TRHDE: variants seen among roughly 807,000 people sequenced by gnomAD.
TRHDE encodes the protein thyrotropin-releasing hormone-degrading ectoenzyme.
In TRHDE, 72 loss-of-function variants were observed where a neutral mutation model predicts 125.7. The observed-to-expected ratio is 0.57, with a 90% CI of 0.47 to 0.70. The LOEUF is 0.70. TRHDE is among the 30% of genes least tolerant of loss of function. The probability of loss-of-function intolerance (pLI) is 0.00; values close to 1 mark genes in which losing one functional copy is unlikely to be tolerated. For synonymous variants in TRHDE, 509 were observed against 509.1 expected, an observed-to-expected ratio of 1.00 and a Z score of 0.00; for missense variants, 1,110 against 1,327.1, an observed-to-expected ratio of 0.84 and a Z score of 2.54.
chr12:72,233,465 T>G (rs1431220063), intron 2 of TRHDE, among the ~76,000 whole-genome samples: 1 of 152,036 alleles, frequency 6.6e-6, no homozygotes, highest in Non-Finnish European at 1.5e-5. Context: ...GGCACACAGG[T>G]GTTACAGTGA....
chr12:72,123,897 A>G (rs1156955900), intron 2 of TRHDE, among the ~76,000 whole-genome samples: 1 of 152,164 alleles, frequency 6.6e-6, no homozygotes, highest in South Asian at 2.1e-4. Context: ...TATTTTATAT[A>G]AAAGGAATCT....
At chr12:72,585,684 G>A (rs923646789) in intron 12 of TRHDE, among the ~76,000 whole-genome samples, 3 of 152,140 alleles carry the variant, frequency 2.0e-5, no homozygotes, top group Non-Finnish European at 4.4e-5. Context: ...CAGCCAAAAT[G>A]GGACATTCTA....
chr12:72,659,989 G>A (rs1874854803), intron 18 of TRHDE, among the ~76,000 whole-genome samples: 1 of 151,810 alleles, frequency 6.6e-6, no homozygotes, highest in South Asian at 2.1e-4. Context: ...GACCGGTGGT[G>A]GCCCCAAATG....
intron 2 of TRHDE, among the ~76,000 whole-genome samples, chr12:72,305,441 A>C (rs1868326007): frequency 2.0e-5 from 3 of 152,212 alleles, no homozygotes; most frequent in Admixed American, 6.5e-5. Flanking sequence ...AAATCACAGA[A>C]TCATAAATTG....
At position 72,579,025 on chromosome 12, in the gene TRHDE, C is replaced by CATTT. The variant is rs532085613; in HGVS notation, c.2321+3486_2321+3489dup. The stretch of plus-strand genomic sequence containing the variant: ...TGAACAGAAAGTCTATTCTCTGACT[C>CATTT]ATTTATAAAAATAAATCTGGGGATC... On this transcript the variant is annotated intron_variant, in intron 12 of 18. Coordinates refer to ENST00000261180, the MANE Select transcript of TRHDE (RefSeq NM_013381.3). 2.2e-4 allele frequency among the ~76,000 whole-genome samples: 31 copies of CATTT among 144,112 alleles called. No individual in the cohort carries two copies. The South Asian group carries it at 6.4e-3, about 30-fold the overall frequency. 94.5% of individuals were successfully genotyped at this position (144,112 alleles called of 152,430 possible).
intron 2 of TRHDE, among the ~76,000 whole-genome samples, chr12:72,247,097 C>T (rs553505929): frequency 6.6e-6 from 1 of 152,054 alleles, no homozygotes; most frequent in Non-Finnish European, 1.5e-5. Flanking sequence ...TTCTCAAGTC[C>T]CTTATATAAA....
At chr12:72,185,049 T>C (rs1877173633) in intron 2 of TRHDE, among the ~76,000 whole-genome samples, 1 of 152,026 alleles carries the variant, frequency 6.6e-6, no homozygotes, top group African/African-American at 2.4e-5. Flanking sequence ...GGGAGAGGCT[T>C]GAGCGGGAAC....
At chr12:72,153,674 A>T in intron 2 of TRHDE, among the ~76,000 whole-genome samples, 1 of 152,074 alleles carries the variant, frequency 6.6e-6, no homozygotes, top group Non-Finnish European at 1.5e-5. Flanking sequence ...ATTCAGGAGC[A>T]GGTTGTTCAG....
intron 1 of TRHDE, among the ~76,000 whole-genome samples, chr12:72,089,406 T>G (rs1592435774): frequency 6.6e-6 from 1 of 152,212 alleles, no homozygotes; most frequent in East Asian, 1.9e-4. Flanking sequence ...TACAAGGTTG[T>G]ACATAATCCA....
chr12:72,372,235 G>T (rs1434096125), intron 2 of TRHDE, among the ~76,000 whole-genome samples: 2 of 151,998 alleles, frequency 1.3e-5, no homozygotes. Flanking sequence ...TTTTCGATGG[G>T]GTTGTTTTTT....
chr12:72,558,937 G>A (rs1040542122), intron 7 of TRHDE, among the ~76,000 whole-genome samples: 30 of 152,058 alleles, frequency 2.0e-4, no homozygotes, highest in African/African-American at 7.0e-4. Flanking sequence ...TATTGGATTT[G>A]GGTAGGCACA....
chr12:72,502,925 C>T (rs1169516298), intron 6 of TRHDE, among the ~76,000 whole-genome samples: 1 of 152,158 alleles, frequency 6.6e-6, no homozygotes, highest in Non-Finnish European at 1.5e-5. Flanking sequence ...TTCATAATCT[C>T]AGCATCAGGC....
intron 2 of TRHDE, among the ~76,000 whole-genome samples, chr12:72,172,932 C>T (rs780135886): frequency 3.3e-5 from 5 of 152,144 alleles, no homozygotes; most frequent in African/African-American, 1.2e-4. Flanking sequence ...CAAATTCCCC[C>T]AAAGGCTCTG....
intron 12 of TRHDE, among the ~76,000 whole-genome samples, chr12:72,585,227 ATTCAT>A (rs1250198644): frequency 2.6e-5 from 4 of 152,264 alleles, no homozygotes; most frequent in Admixed American, 1.3e-4. Flanking sequence ...TATTCTAGAA[ATTCAT>A]TTCGTCTTTT....
chr12:72,372,402 C>T (rs1249434339), intron 2 of TRHDE, among the ~76,000 whole-genome samples: 1 of 152,126 alleles, frequency 6.6e-6, no homozygotes, highest in Non-Finnish European at 1.5e-5. Flanking sequence ...AATTAGATCC[C>T]ATTTGTCAAT....
intron 2 of TRHDE, among the ~76,000 whole-genome samples, chr12:72,332,909 G>A (rs1167589731): frequency 1.3e-5 from 2 of 152,156 alleles, no homozygotes; most frequent in African/African-American, 4.8e-5. Flanking sequence ...AATTCATTTG[G>A]ACCTTAATGT....
intron 2 of TRHDE, among the ~76,000 whole-genome samples, chr12:72,369,505 A>G (rs1055754690): frequency 1.3e-5 from 2 of 152,182 alleles, no homozygotes; most frequent in Non-Finnish European, 2.9e-5. Context: ...AAACCTTTTC[A>G]TTATTTTCTC....
intron 2 of TRHDE, among the ~76,000 whole-genome samples, chr12:72,303,632 T>C (rs1162426239): frequency 6.6e-6 from 1 of 152,110 alleles, no homozygotes; most frequent in Non-Finnish European, 1.5e-5. Context: ...GCAAGAAGCA[T>C]AGACTAAAAT....
At chr12:72,337,143 G>A (rs184163842) in intron 2 of TRHDE, among the ~76,000 whole-genome samples, 62 of 152,278 alleles carry the variant, frequency 4.1e-4, no homozygotes, top group Middle Eastern at 3.4e-3. Flanking sequence ...TAACATACAC[G>A]AAGCCCACTT....
Sources: gnomAD v4.1 joint callset for allele counts (sites outside exome capture counted in the v4.1 genomes callset) on GRCh38, gnomAD v4.1.1 for gene constraint, MANE v1.5 for transcripts, NCBI Gene and HGNC (gene_info 2026-07-23, HGNC 2026-07-21) for gene names.